Variants in SPAG16 observed in about 807,000 individuals in gnomAD.
The protein encoded by SPAG16 is sperm associated antigen 16, also known as sperm-associated antigen 16 protein.
A neutral mutation model predicts 80.4 loss-of-function variants in SPAG16; 86 were observed. The ratio of observed to expected loss-of-function variants is 1.07; its 90% CI spans 0.90 to 1.28. The LOEUF is 1.28. Among genes scored for constraint, SPAG16 ranks in the 50% most tolerant of loss-of-function variants. The pLI is 0.00. For synonymous variants in SPAG16, 294 were observed against 265.9 expected, an observed-to-expected ratio of 1.11 and a Z score of -1.03; for missense variants, 870 against 765.3, an observed-to-expected ratio of 1.14 and a Z score of -1.61.
At position 213,862,517 on chromosome 2, in the gene SPAG16, TCTC is replaced by T. The variant is rs772072344; in HGVS notation, c.1106_1108del (p.Ser369del). Reference sequence around the variant, plus strand: ...ATGCAACCCCACAAAGACATCCTAGTCTCCTGTGGCGAGGACCGACTCTGGAAG... The same window carrying T: ...ATGCAACCCCACAAAGACATCCTAGTCTGTGGCGAGGACCGACTCTGGAAG... On this transcript the variant is annotated inframe_deletion, in exon 11 of 16. Transcript: ENST00000331683. The T allele has an allele frequency of 1.9e-6, 3 of 1,614,138 alleles. No individual in the cohort carries two copies.
chr2:213,369,789 T>C lies in SPAG16; in HGVS notation c.833-5221T>C, dbSNP rs115881514. ...GAGTGGAAGGTACAGTGATTTTCCA[T>C]ATACCACCTGCCCCCACCCATATAC... On this transcript the variant is annotated intron_variant, in intron 8 of 15. Transcript: ENST00000331683. Among the ~76,000 whole-genome samples, 762 of 152,184 alleles carry C rather than the reference T, an allele frequency of 5.0e-3. 2 individuals are homozygous for C. Among genetic ancestry groups the C allele is most frequent in the Non-Finnish European group, 8.7e-3 (588 of 67,976 alleles).
intron 15 of SPAG16, among the ~76,000 whole-genome samples, chr2:214,241,725 T>G (rs1426676901): frequency 6.6e-6 from 1 of 152,208 alleles, no homozygotes; most frequent in African/African-American, 2.4e-5. Flanking sequence ...AGGAAAAGTT[T>G]AAACTAATTT....
At chr2:213,407,929 G>GGC in intron 9 of SPAG16, among the ~76,000 whole-genome samples, 1 of 134,060 alleles carries the variant, frequency 7.5e-6, no homozygotes, top group Non-Finnish European at 1.6e-5. Context: ...ACAGGAGAGA[G>GGC]AGGAGAGAGG....
chr2:213,717,125 G>T (rs533421027), intron 10 of SPAG16, among the ~76,000 whole-genome samples: 1 of 150,674 alleles, frequency 6.6e-6, no homozygotes, highest in Non-Finnish European at 1.5e-5. Context: ...CGCTCCCTAC[G>T]TAACTCAACT....
intron 9 of SPAG16, chr2:213,396,670 G>A (rs2125319700): frequency 4.4e-6 from 2 of 456,424 alleles, no homozygotes; most frequent in Admixed American, 2.4e-5. Flanking sequence ...GAGAACAACA[G>A]TGCACACCAG....
intron 12 of SPAG16, among the ~76,000 whole-genome samples, chr2:213,940,394 C>A (rs902304320): frequency 1.3e-5 from 2 of 152,150 alleles, no homozygotes; most frequent in African/African-American, 2.4e-5. Flanking sequence ...TCAAGCAATC[C>A]TCCTGCCTCA....
At chr2:213,563,121 T>C (rs1386552717) in intron 10 of SPAG16, among the ~76,000 whole-genome samples, 1 of 151,892 alleles carries the variant, frequency 6.6e-6, no homozygotes, top group Non-Finnish European at 1.5e-5. Flanking sequence ...TTTTTAGTTT[T>C]TCATCTGAAT....
intron 9 of SPAG16, among the ~76,000 whole-genome samples, chr2:213,427,114 A>G (rs1221849693): frequency 6.6e-6 from 1 of 152,132 alleles, no homozygotes; most frequent in Non-Finnish European, 1.5e-5. Context: ...AAAAATAATG[A>G]TAATAATACA....
In SPAG16 at chr2:213,697,666, GT is replaced by G. The variant is rs1393889853; in HGVS notation, c.1071-164817del. 1.9e-3 allele frequency among the ~76,000 whole-genome samples: 294 copies of G among 152,224 alleles called. 4 individuals are homozygous for G. The highest frequency in any genetic ancestry group is 1.6e-4 in the Non-Finnish European group (11 of 68,012). ...CATAACTGTAAGATAATAAATTTCTGTTGCTTTATGCCACTAAGTTTGTGGT... is the reference window on the plus strand; with the variant it reads ...CATAACTGTAAGATAATAAATTTCTGTGCTTTATGCCACTAAGTTTGTGGT... On this transcript the variant is annotated intron_variant, in intron 10 of 15. Transcript: ENST00000331683.
intron 6 of SPAG16, among the ~76,000 whole-genome samples, chr2:213,349,495 G>A (rs2065204917): frequency 6.6e-6 from 1 of 152,086 alleles, no homozygotes; most frequent in Admixed American, 6.6e-5. Flanking sequence ...GTCATATAGG[G>A]TTGTTGGAAG....
At chr2:213,384,675 T>G (rs1379860380) in intron 9 of SPAG16, among the ~76,000 whole-genome samples, 2 of 152,178 alleles carry the variant, frequency 1.3e-5, no homozygotes, top group African/African-American at 4.8e-5. Flanking sequence ...TGAACTTCTT[T>G]CGTCAGGAAG....
intron 9 of SPAG16, among the ~76,000 whole-genome samples, chr2:213,399,749 G>A (rs544144265): frequency 6.6e-6 from 1 of 152,016 alleles, no homozygotes; most frequent in South Asian, 2.1e-4. Context: ...TATGGTAGAA[G>A]TCTTCTGTAA....
At chr2:213,670,205 C>T (rs2063766535) in intron 10 of SPAG16, among the ~76,000 whole-genome samples, 2 of 151,848 alleles carry the variant, frequency 1.3e-5, no homozygotes, top group African/African-American at 4.8e-5. Flanking sequence ...ACCATGTTAG[C>T]CAGGATGGTC....
At chr2:214,186,899 A>G (rs1412153153) in intron 15 of SPAG16, among the ~76,000 whole-genome samples, 2 of 152,084 alleles carry the variant, frequency 1.3e-5, no homozygotes, top group Non-Finnish European at 2.9e-5. Context: ...AGCTGGGACT[A>G]CAGGCCTGTG....
intron 10 of SPAG16, among the ~76,000 whole-genome samples, chr2:213,717,401 C>A (rs78737085): frequency 6.6e-6 from 1 of 152,064 alleles, no homozygotes; most frequent in African/African-American, 2.4e-5. Context: ...ACCTCGTGAT[C>A]CGCCCGCCTC....
chr2:214,318,749 T>G (rs1439306916), intron 15 of SPAG16, among the ~76,000 whole-genome samples: 1 of 152,004 alleles, frequency 6.6e-6, no homozygotes, highest in Non-Finnish European at 1.5e-5. Context: ...AACAGGGTAG[T>G]AGGGTAAGGT....
At chr2:213,554,917 G>A (rs1000914006) in intron 10 of SPAG16, among the ~76,000 whole-genome samples, 2 of 151,994 alleles carry the variant, frequency 1.3e-5, no homozygotes, top group African/African-American at 4.8e-5. Flanking sequence ...ACCAGAGGTA[G>A]AAAGCTCATC....
chr2:213,467,625 T>C (rs1285472500), intron 9 of SPAG16, among the ~76,000 whole-genome samples: 2 of 152,202 alleles, frequency 1.3e-5, no homozygotes, highest in African/African-American at 4.8e-5. Flanking sequence ...AGGTTCACTT[T>C]CCTCTCTTCA....
chr2:213,355,419 A>G (rs1004451281), intron 7 of SPAG16, among the ~76,000 whole-genome samples: 3 of 152,134 alleles, frequency 2.0e-5, no homozygotes, highest in Non-Finnish European at 4.4e-5. Flanking sequence ...TGGTAGCTTG[A>G]TGGGGAAGGC....
Sources: gnomAD v4.1 joint callset for allele counts (sites outside exome capture counted in the v4.1 genomes callset) on GRCh38, gnomAD v4.1.1 for gene constraint, MANE v1.5 for transcripts, NCBI Gene and HGNC (gene_info 2026-07-23, HGNC 2026-07-21) for gene names.